SPG21: variants seen among roughly 807,000 people sequenced by gnomAD.
The protein encoded by SPG21 is maspardin.
SPG21 carries 26 observed loss-of-function variants against 38.9 expected under a neutral mutation model. That is an observed-to-expected ratio of 0.67 (90% CI 0.49 to 0.93). The LOEUF (loss-of-function observed/expected upper bound fraction) is 0.93, where lower values mean the gene tolerates loss of function less well. Among genes scored for constraint, SPG21 ranks in the 40% least tolerant of loss-of-function variants. SPG21 has a pLI of 0.00. For missense variants in SPG21, 333 were observed against 376.5 expected (o/e 0.88, Z 0.96); for synonymous variants, 136 against 128.9 (o/e 1.05, Z -0.37).
rs775547617 is a variant in SPG21 at position 64,980,863 on chromosome 15, C to A, written c.225+1G>T. 5 of 1,612,294 alleles carry A rather than the reference C, an allele frequency of 3.1e-6. No individual in the cohort carries two copies. In the Admixed American group the frequency reaches 5.0e-5, roughly 16 times the overall value. ...TCTGAATTTTAATCAGTAATACTTA[C>A]AGCGATAACCCGGTAACCCCATCCA... On this transcript the variant is annotated splice_donor_variant, in intron 3 of 8. Transcript: ENST00000204566. LOFTEE classifies it high-confidence loss of function.
intron 5 of SPG21, among the ~76,000 whole-genome samples, chr15:64,973,807 C>T (rs1349625746): frequency 6.6e-6 from 1 of 152,150 alleles, no homozygotes; most frequent in Non-Finnish European, 1.5e-5. Context: ...TCATGATGTG[C>T]AGAACATCTG....
chr15:64,965,982 G>A (rs369780530), intron 7 of SPG21, among the ~76,000 whole-genome samples: 32 of 152,092 alleles, frequency 2.1e-4, no homozygotes, highest in East Asian at 1.9e-3. Context: ...GATTACAGGC[G>A]TGAGCCACCA....
chr15:64,964,140 G>C (rs1240644872), intron 8 of SPG21, among the ~76,000 whole-genome samples: 3 of 152,150 alleles, frequency 2.0e-5, no homozygotes, highest in African/African-American at 4.8e-5. Context: ...CATCACCATA[G>C]TGGACAAATG....
At chr15:64,968,624 C>T (rs72740688) in intron 7 of SPG21, among the ~76,000 whole-genome samples, 2,544 of 151,862 alleles carry the variant, frequency 0.017, 29 homozygotes, top group Admixed American at 0.024. Context: ...TGATGGTTGC[C>T]GAACTGTGAA....
intron 8 of SPG21, among the ~76,000 whole-genome samples, 198 bp from the exon 9 acceptor site, chr15:64,963,934 T>G (rs561660230): frequency 2.0e-5 from 3 of 152,142 alleles, no homozygotes; most frequent in Non-Finnish European, 1.5e-5. Flanking sequence ...TTTTTGTATT[T>G]TTAGTAGAGA....
intron 2 of SPG21, 47 bp from the exon 3 acceptor site, chr15:64,981,072 CT>C: frequency 6.2e-7 from 1 of 1,611,190 alleles, no homozygotes; most frequent in African/African-American, 1.3e-5. Context: ...TATAAATTTG[CT>C]TTTTATGTTA....
chr15:64,966,267 C>T lies in SPG21; in HGVS notation c.670-807G>A, dbSNP rs1317405472. ...GTTTGCAGCATATGATTCTAGACAT[C>T]CTTCAATACCCATACACATTTACGT... On this transcript the variant is annotated intron_variant, in intron 7 of 8. Coordinates refer to ENST00000204566, the MANE Select transcript of SPG21 (RefSeq NM_016630.7). Among the ~76,000 whole-genome samples, 4 of 152,136 alleles carry T rather than the reference C, an allele frequency of 2.6e-5. No individual in the cohort carries two copies. In the South Asian group the frequency reaches 8.3e-4, roughly 32 times the overall value.
intron 5 of SPG21, among the ~76,000 whole-genome samples, chr15:64,970,487 T>C (rs1258806984): frequency 2.0e-5 from 3 of 152,214 alleles, no homozygotes; most frequent in Non-Finnish European, 4.4e-5. Context: ...GACATTCTGA[T>C]GAGTCCAAGA....
chr15:64,975,527 C>A (rs1393999719), intron 4 of SPG21, among the ~76,000 whole-genome samples: 173 of 125,984 alleles, frequency 1.4e-3, no homozygotes, highest in Middle Eastern at 3.9e-3. Flanking sequence ...AAGCCTGTCT[C>A]AAAAAAAAAA....
Position 64,965,356 on chromosome 15 carries a change from G to C in SPG21, c.774C>G (p.Tyr258Ter). Residue 258 changes from tyrosine to a stop codon, truncating the protein, a stop_gained, in exon 8 of 9, where the codon TAC becomes TAG. Transcript: ENST00000204566. LOFTEE classifies it high-confidence loss of function. The stretch of plus-strand genomic sequence containing the variant: ...GATTGACCTCTGCACTTCTGCACAG[G>C]TATGGGAAATTGCCTCCTGTTTTCA... The part of the protein sequence containing the change: ...AHLKTGGNFP[Y>*]LCRSAEVNLY... The C allele has an allele frequency of 6.2e-7, 1 of 1,614,178 alleles. No individual in the cohort carries two copies. Among genetic ancestry groups the C allele is most frequent in the Non-Finnish European group, 8.5e-7 (1 of 1,180,042 alleles).
intron 4 of SPG21, among the ~76,000 whole-genome samples, chr15:64,976,125 T>C (rs2085767105): frequency 6.6e-6 from 1 of 152,154 alleles, no homozygotes; most frequent in Non-Finnish European, 1.5e-5. Flanking sequence ...ATAAAGCTAT[T>C]ATTAAAAAAT....
rs1322135448 is a variant in SPG21, at chr15:64,969,374, A to C, written c.562-12T>G. ...CCCAAACTTTCTAGCTGCAGGAAGA[A>C]ACACAGGTAAAGTTTTTGAAATAAT... On this transcript the variant is annotated splice_polypyrimidine_tract_variant and intron_variant, in intron 6 of 8. Transcript: ENST00000204566. The C allele has an allele frequency of 9.0e-6, 14 of 1,556,450 alleles. No individual in the cohort carries two copies. Among genetic ancestry groups the C allele is most frequent in the Non-Finnish European group, 1.2e-5 (14 of 1,127,588 alleles).
intron 5 of SPG21, among the ~76,000 whole-genome samples, chr15:64,970,501 T>G (rs1448901006): frequency 6.6e-6 from 1 of 151,964 alleles, no homozygotes; most frequent in Non-Finnish European, 1.5e-5. Context: ...TCCAAGATTG[T>G]TTTTTTTCTC....
At chr15:64,980,208 C>T (rs1465481809) in intron 3 of SPG21, among the ~76,000 whole-genome samples, 1 of 152,178 alleles carries the variant, frequency 6.6e-6, no homozygotes, top group Non-Finnish European at 1.5e-5. Context: ...TCCACCACTA[C>T]TGGCTGTGTG....
At position 64,983,473 on chromosome 15, in the gene SPG21, T is replaced by C; in HGVS notation, c.63+34A>G. ...TCACACACAAAAACAATACAAGATT[T>C]TGCAAATAAGAGGTATAGTAAAACC... On this transcript the variant is annotated intron_variant, in intron 2 of 8. Transcript: ENST00000204566. The C allele has an allele frequency of 4.2e-6, 6 of 1,430,172 alleles. 1 individual carries two copies. Among genetic ancestry groups the C allele is most frequent in the South Asian group, 2.4e-5 (2 of 82,350 alleles). 88.6% of individuals were successfully genotyped at this position (1,430,172 alleles called of 1,614,324 possible).
intron 6 of SPG21, 137 bp from the exon 7 acceptor site, chr15:64,969,499 C>T: frequency 1.4e-6 from 1 of 691,386 alleles, no homozygotes; most frequent in East Asian, 2.7e-5. Flanking sequence ...TGAGGAACCA[C>T]AACTTAGGTG....
chr15:64,977,062 T>C (rs940748613), intron 3 of SPG21, among the ~76,000 whole-genome samples: 2 of 152,142 alleles, frequency 1.3e-5, no homozygotes, highest in Non-Finnish European at 2.9e-5. Context: ...TTTATTGTAC[T>C]TTGGGGTGTC....
In SPG21 at chr15:64,963,445, C is replaced by T; in HGVS notation, c.*175G>A. On this transcript the variant is annotated 3_prime_UTR_variant, in exon 9 of 9. Transcript: ENST00000204566. ...GAAAACCAAAGAGGGAACAGTTACACAGGCTTAGTGGAGATGCCGCCTGTC... is the reference window on the plus strand; with the variant it reads ...GAAAACCAAAGAGGGAACAGTTACATAGGCTTAGTGGAGATGCCGCCTGTC... The T allele has an allele frequency of 1.6e-6, 1 of 619,538 alleles. No individual in the cohort carries two copies. The highest frequency in any genetic ancestry group is 2.7e-5 in the Admixed American group (1 of 37,372). 38.4% of individuals were successfully genotyped at this position (619,538 alleles called of 1,614,324 possible). A position where few individuals can be genotyped will look rare whatever the true frequency, so the allele number is the denominator to read the frequency against.
In SPG21 at chr15:64,984,996, G is replaced by A. The variant is rs146087314; in HGVS notation, c.-24-1403C>T. On this transcript the variant is annotated intron_variant, in intron 1 of 8. Transcript: ENST00000204566. ...GAGCTCCTGACCTCATGATCCACCC[G>A]CCTCAGCCTCCCAAAGTGCTGGGAT... Among the ~76,000 whole-genome samples the A allele has an allele frequency of 5.1e-3, 772 of 150,710 alleles. 9 individuals carry two copies. The highest frequency in any genetic ancestry group is 0.018 in the African/African-American group (737 of 41,080).
Sources: allele counts gnomAD v4.1 joint callset (sites outside exome capture counted in the v4.1 genomes callset), GRCh38; gene constraint gnomAD v4.1.1; transcripts MANE v1.5; gene names NCBI Gene and HGNC (gene_info 2026-07-23, HGNC 2026-07-21).